MME: variants seen among roughly 807,000 people sequenced by gnomAD.
MME encodes neprilysin.
Under a neutral mutation model 113.2 loss-of-function variants are expected in MME, and 98 were observed. The ratio of observed to expected loss-of-function variants is 0.87; its 90% CI spans 0.74 to 1.02. The LOEUF is 1.02. Among genes scored for constraint, MME ranks in the 50% least tolerant of loss-of-function variants. The probability of loss-of-function intolerance (pLI) is 0.00; values close to 1 mark genes in which losing one functional copy is unlikely to be tolerated. For synonymous variants in MME, 292 were observed against 300.6 expected, an observed-to-expected ratio of 0.97 and a Z score of 0.30; for missense variants, 836 against 896.0, an observed-to-expected ratio of 0.93 and a Z score of 0.86.
At chr3:155,084,073 T>A (rs1715420165) in intron 1 of MME, 85 bp from the exon 2 acceptor site, 5 of 1,219,666 alleles carry the variant, frequency 4.1e-6, no homozygotes, top group Non-Finnish European at 6.0e-6. Flanking sequence ...CTGAGCCTTT[T>A]ACTTTTATCC....
At chr3:155,073,717 C>A (rs999153995) in intron 1 of MME, among the ~76,000 whole-genome samples, 3 of 151,916 alleles carry the variant, frequency 2.0e-5, no homozygotes, top group East Asian at 1.9e-4. Context: ...GTCTCTGTTG[C>A]ATATTCTTTT....
At chr3:155,145,348 C>A (rs1721421966) in intron 14 of MME, among the ~76,000 whole-genome samples, 1 of 152,086 alleles carries the variant, frequency 6.6e-6, no homozygotes, top group East Asian at 1.9e-4. Flanking sequence ...GGCTCATGGT[C>A]AAAAGAGTTT....
intron 3 of MME, chr3:155,089,903 C>A: frequency 4.5e-6 from 2 of 447,064 alleles, no homozygotes; most frequent in Non-Finnish European, 9.0e-6. Context: ...GAGGTTGAAG[C>A]GAGCCAAGAT....
At chr3:155,079,594 C>G (rs982918204), upstream of MME, 1 of 136,950 alleles carries the variant, frequency 7.3e-6, no homozygotes, top group African/African-American at 2.7e-5. Context: ...AACTGCTCCT[C>G]TCTCTGGTCC....
chr3:155,140,346 A>G (rs61758190), intron 10 of MME, 54 bp downstream of exon 10: 3 of 1,077,788 alleles, frequency 2.8e-6, no homozygotes, highest in Non-Finnish European at 4.3e-6. Context: ...AAATTATAAC[A>G]TTGAAATACT....
chr3:155,091,188 G>A (rs61762351), intron 3 of MME, among the ~76,000 whole-genome samples: 1 of 152,200 alleles, frequency 6.6e-6, no homozygotes, highest in African/African-American at 2.4e-5. Flanking sequence ...GTGGCAATTT[G>A]CTTTGTGTGG....
At chr3:155,177,681 A>G (rs1212108415) in intron 22 of MME, among the ~76,000 whole-genome samples, 2 of 152,110 alleles carry the variant, frequency 1.3e-5, no homozygotes, top group African/African-American at 2.4e-5. Flanking sequence ...TGGTCCAAAT[A>G]GTGAATTTGT....
intron 1 of MME, among the ~76,000 whole-genome samples, chr3:155,059,295 T>C (rs1714058582): frequency 6.6e-6 from 1 of 151,278 alleles, no homozygotes; most frequent in African/African-American, 2.4e-5. Context: ...AGGATCACTT[T>C]TAAGTGCACT....
In MME at chr3:155,180,333, C is replaced by T. The variant is rs200439423; in HGVS notation, c.2154-27C>T. 1.8e-4 allele frequency: 287 copies of T among 1,558,892 alleles called. No individual in the cohort carries two copies. The African/African-American group carries it at 2.9e-3, about 16-fold the overall frequency. On this transcript the variant is annotated intron_variant, in intron 22 of 22. Transcript: ENST00000360490. ...TATGGACGTGAGTATCAAATGCTGA[C>T]GGTGACTTTTTTTGTTTGTTTCAAA...
At chr3:155,082,124 C>G (rs1299832217) in intron 1 of MME, among the ~76,000 whole-genome samples, 2 of 152,160 alleles carry the variant, frequency 1.3e-5, no homozygotes, top group East Asian at 3.9e-4. Context: ...AAATGCTTAT[C>G]CACTAGCTTT....
Position 155,061,171 on chromosome 3 carries a change from G to A in MME, c.-10-22987G>A, listed in dbSNP as rs140418058. Among the ~76,000 whole-genome samples the A allele has an allele frequency of 9.9e-4, 150 of 152,234 alleles. 1 individual carries two copies. The East Asian group carries it at 0.017, about 17-fold the overall frequency. ...AGCTGTATAAATTAAAAGTATCGCC[G>A]GGCGGGCGCGGTGGCTCACGCCTGT... On this transcript the variant is annotated intron_variant, in intron 1 of 22. Coordinates refer to the MME transcript ENST00000492661.
intron 1 of MME, chr3:155,083,527 C>T (rs1715362260): frequency 6.5e-6 from 1 of 153,548 alleles, no homozygotes; most frequent in Admixed American, 6.5e-5. Context: ...CAGTGAGTGA[C>T]CATTTTCAGA....
intron 8 of MME, 55 bp from the exon 9 acceptor site, chr3:155,138,047 C>A (rs1317954273): frequency 1.9e-6 from 3 of 1,585,982 alleles, no homozygotes; most frequent in East Asian, 4.5e-5. Context: ...ATTTTAAGTA[C>A]CATGATGAAT....
chr3:155,168,530 T>C lies in MME; in HGVS notation c.1819T>C (p.Trp607Arg), dbSNP rs950637527. The C allele has an allele frequency of 6.2e-7, 1 of 1,613,490 alleles. No individual in the cohort carries two copies. Among genetic ancestry groups the C allele is most frequent in the Non-Finnish European group, 8.5e-7 (1 of 1,179,576 alleles). Residue 607 changes from tryptophan to arginine, a missense_variant, in exon 19 of 23, where the codon TGG (tryptophan) becomes CGG (arginine). By Grantham distance (101) the Trp-to-Arg change is moderately radical. Coordinates refer to ENST00000360490, the MANE Select transcript of MME (RefSeq NM_007289.4). ...CAAAGATGGAGACCTCGTTGACTGG[T>C]GGACTCAACAGTCTGCAAGTAACTT... ...FNKDGDLVDW[W>R]TQQSASNFKE...
At chr3:155,115,347 A>G (rs1718511716) in intron 4 of MME, among the ~76,000 whole-genome samples, 192 bp downstream of exon 4, 1 of 152,252 alleles carries the variant, frequency 6.6e-6, no homozygotes, top group East Asian at 1.9e-4. Flanking sequence ...GACATCTCTT[A>G]GCATTCCTGC....
At position 155,158,865 on chromosome 3, in the gene MME, A is replaced by G. The variant is rs913181103; in HGVS notation, c.1602-1525A>G. 148 of 152,050 alleles carry G rather than the reference A, an allele frequency of 9.7e-4. 1 individual carries two copies. The highest frequency in any genetic ancestry group is 3.3e-3 in the African/African-American group (138 of 41,526). The allele number at this position is 152,050 out of a possible 1,614,324, so 9.4% of individuals were successfully genotyped here. On this transcript the variant is annotated intron_variant, in intron 16 of 22. Transcript: ENST00000360490. ...AATGAAATTAAGGAGGACTGATATT[A>G]TCAGTCCCCCCCCATCCTGTTTAAA...
intron 14 of MME, 93 bp downstream of exon 14, chr3:155,144,550 A>T: frequency 1.2e-6 from 1 of 808,078 alleles, no homozygotes; most frequent in Non-Finnish European, 2.1e-6. Context: ...ATAATCAAAG[A>T]TTGCATAAAA....
At position 155,183,545 on chromosome 3, in the gene MME, G is replaced by A. The variant is rs201238547; in HGVS notation, c.*3086G>A. 2 of 152,168 alleles carry A rather than the reference G, an allele frequency of 1.3e-5. No homozygotes were observed. Among genetic ancestry groups the A allele is most frequent in the African/African-American group, 2.4e-5 (1 of 41,442 alleles). 9.4% of individuals were successfully genotyped at this position (152,168 alleles called of 1,614,324 possible). A position where few individuals can be genotyped will look rare whatever the true frequency, so the allele number is the denominator to read the frequency against. On this transcript the variant is annotated 3_prime_UTR_variant, in exon 23 of 23. Transcript: ENST00000360490. ...CAAAACCTTGCTAATTTTCTCAAAA[G>A]CATTTATCATTCTTGTTGCCACAGC...
At chr3:155,057,162 C>T (rs1460824770) in intron 1 of MME, among the ~76,000 whole-genome samples, 1 of 151,980 alleles carries the variant, frequency 6.6e-6, no homozygotes, top group Non-Finnish European at 1.5e-5. Context: ...AACAAGCAAC[C>T]TACAAAATGG....
Sources: allele counts gnomAD v4.1 joint callset (sites outside exome capture counted in the v4.1 genomes callset), GRCh38; gene constraint gnomAD v4.1.1; transcripts MANE v1.5; gene names NCBI Gene and HGNC (gene_info 2026-07-23, HGNC 2026-07-21).